FGGY: variants seen among roughly 807,000 people sequenced by gnomAD.
FGGY encodes the protein FGGY carbohydrate kinase domain-containing protein.
Under a neutral mutation model 71.3 loss-of-function variants are expected in FGGY, and 72 were observed. That is an observed-to-expected ratio of 1.01 (90% CI 0.84 to 1.23). FGGY has a LOEUF of 1.23. Among genes scored for constraint, FGGY ranks in the 50% most tolerant of loss-of-function variants. The pLI is 0.00. For synonymous variants in FGGY, 251 were observed against 250.3 expected (o/e 1.00, Z -0.02); for missense variants, 668 against 682.3 (o/e 0.98, Z 0.23).
chr1:59,687,373 C>T (rs1439593858), intron 14 of FGGY, among the ~76,000 whole-genome samples: 1 of 152,178 alleles, frequency 6.6e-6, no homozygotes, highest in East Asian at 1.9e-4. Flanking sequence ...TCCCTTGATT[C>T]CTAAGAGGGG....
At chr1:59,700,553 G>A (rs1404946448) in intron 14 of FGGY, among the ~76,000 whole-genome samples, 1 of 152,140 alleles carries the variant, frequency 6.6e-6, no homozygotes, top group East Asian at 1.9e-4. Flanking sequence ...TTGGGAGTCA[G>A]TGTCACTTTT....
intron 2 of FGGY, among the ~76,000 whole-genome samples, chr1:59,330,324 A>G (rs529786542): frequency 1.3e-5 from 2 of 152,146 alleles, no homozygotes; most frequent in Non-Finnish European, 2.9e-5. Context: ...AATTGAGAGC[A>G]CTTTGGGAGG....
At chr1:59,706,320 G>A (rs1000004708) in intron 14 of FGGY, among the ~76,000 whole-genome samples, 2 of 152,144 alleles carry the variant, frequency 1.3e-5, no homozygotes, top group African/African-American at 4.8e-5. Flanking sequence ...TGTGAGGCCT[G>A]GAGCAAGTTT....
chr1:59,307,938 A>T (rs1038694398), intron 1 of FGGY, among the ~76,000 whole-genome samples: 2 of 152,134 alleles, frequency 1.3e-5, no homozygotes, highest in African/African-American at 4.8e-5. Flanking sequence ...CAGAGATTGG[A>T]TGCTGGGCTG....
chr1:59,304,324 G>C (rs979736690), intron 1 of FGGY, among the ~76,000 whole-genome samples: 2 of 152,038 alleles, frequency 1.3e-5, no homozygotes, highest in African/African-American at 4.8e-5. Flanking sequence ...ATTTATTCAA[G>C]AGACTTCCTT....
intron 5 of FGGY, among the ~76,000 whole-genome samples, chr1:59,412,351 G>A (rs1332637154): frequency 6.6e-6 from 1 of 152,142 alleles, no homozygotes; most frequent in East Asian, 1.9e-4. Flanking sequence ...CAGTTCATGT[G>A]GCTTGGGGTG....
intron 6 of FGGY, among the ~76,000 whole-genome samples, chr1:59,458,739 C>T (rs1411441097): frequency 1.3e-5 from 2 of 152,052 alleles, no homozygotes; most frequent in Admixed American, 6.6e-5. Flanking sequence ...TATTGCTGTA[C>T]GTGAATTAGA....
At chr1:59,613,179 A>C (rs2096709586) in intron 9 of FGGY, among the ~76,000 whole-genome samples, 1 of 152,208 alleles carries the variant, frequency 6.6e-6, no homozygotes, top group African/African-American at 2.4e-5. Context: ...CTCCACCCCA[A>C]ATCAACAGAA....
intron 4 of FGGY, among the ~76,000 whole-genome samples, chr1:59,378,059 A>G (rs960656391): frequency 1.3e-5 from 2 of 152,118 alleles, no homozygotes; most frequent in African/African-American, 4.8e-5. Flanking sequence ...GCAGTTTCTG[A>G]GTACAGCTTC....
chr1:59,545,360 T>C (rs1323827141), intron 7 of FGGY, among the ~76,000 whole-genome samples: 2 of 152,196 alleles, frequency 1.3e-5, no homozygotes, highest in African/African-American at 4.8e-5. Flanking sequence ...CTCTTAATTT[T>C]TTTTTCTATT....
intron 14 of FGGY, among the ~76,000 whole-genome samples, chr1:59,731,289 G>A (rs76200502): frequency 6.6e-6 from 1 of 152,174 alleles, no homozygotes; most frequent in Non-Finnish European, 1.5e-5. Flanking sequence ...ATAAATGTGG[G>A]CTTCTGCTCT....
intron 1 of FGGY, chr1:59,315,870 G>C (rs2045356617): frequency 6.6e-6 from 1 of 150,628 alleles, no homozygotes; most frequent in Non-Finnish European, 1.5e-5. Flanking sequence ...CCCTTGGAGG[G>C]AAAGGCGAAA....
chr1:59,446,773 G>T (rs1039168470), intron 5 of FGGY, among the ~76,000 whole-genome samples: 4 of 152,168 alleles, frequency 2.6e-5, no homozygotes, highest in African/African-American at 9.7e-5. Context: ...TGGCTGGTTC[G>T]ATTGAGACTC....
At chr1:59,390,132 A>G (rs1487004374) in intron 5 of FGGY, among the ~76,000 whole-genome samples, 1 of 152,196 alleles carries the variant, frequency 6.6e-6, no homozygotes, top group Non-Finnish European at 1.5e-5. Flanking sequence ...TATATTTAAT[A>G]GTGCTGAGAA....
intron 7 of FGGY, among the ~76,000 whole-genome samples, chr1:59,552,378 ATAAC>A: frequency 6.6e-6 from 1 of 152,202 alleles, no homozygotes; most frequent in South Asian, 2.1e-4. Flanking sequence ...AACTACTGTG[ATAAC>A]TAACACAGAA....
chr1:59,374,734 T>G (rs2058343670), intron 4 of FGGY, among the ~76,000 whole-genome samples: 1 of 151,062 alleles, frequency 6.6e-6, no homozygotes, highest in African/African-American at 2.4e-5. Context: ...ATAAAAATGT[T>G]GAGTTCACAT....
At chr1:59,357,497 A>C (rs2054562802) in intron 4 of FGGY, among the ~76,000 whole-genome samples, 1 of 152,224 alleles carries the variant, frequency 6.6e-6, no homozygotes, top group African/African-American at 2.4e-5. Context: ...ACTTCTCTAC[A>C]GGTATCAAAT....
intron 14 of FGGY, among the ~76,000 whole-genome samples, chr1:59,741,742 CTGGCTAACA>C (rs1035685236): frequency 1.3e-5 from 2 of 152,062 alleles, no homozygotes; most frequent in Non-Finnish European, 2.9e-5. Flanking sequence ...CAAGACCGTC[CTGGCTAACA>C]TGGTGAAACC....
chr1:59,311,286 A>G (rs911943659), intron 1 of FGGY, among the ~76,000 whole-genome samples: 3 of 151,448 alleles, frequency 2.0e-5, no homozygotes, highest in Admixed American at 2.0e-4. Flanking sequence ...ATTTTACTGT[A>G]AGTTCCAGGA....
Sources: allele counts gnomAD v4.1 joint callset (sites outside exome capture counted in the v4.1 genomes callset), GRCh38; gene constraint gnomAD v4.1.1; transcripts MANE v1.5; gene names NCBI Gene and HGNC (gene_info 2026-07-23, HGNC 2026-07-21).